The following DTNA variants were observed in gnomAD, a reference collection of about 807,000 sequenced individuals.
DTNA encodes the protein dystrophin-related protein 3.
Under a neutral mutation model 100.7 loss-of-function variants are expected in DTNA, and 43 were observed. The observed-to-expected ratio is 0.43, with a 90% CI of 0.33 to 0.55. The LOEUF (loss-of-function observed/expected upper bound fraction) is 0.55, where lower values mean the gene tolerates loss of function less well. Among genes scored for constraint, DTNA ranks in the 20% least tolerant of loss-of-function variants. The pLI is 0.04. For synonymous variants in DTNA, 349 were observed against 347.9 expected, an observed-to-expected ratio of 1.00 and a Z score of -0.04; for missense variants, 798 against 953.9, an observed-to-expected ratio of 0.84 and a Z score of 2.15.
At chr18:34,661,422 C>T (rs532566600) in intron 1 of DTNA, among the ~76,000 whole-genome samples, 1 of 152,206 alleles carries the variant, frequency 6.6e-6, no homozygotes, top group South Asian at 2.1e-4. Context: ...TTCTCTTTTC[C>T]TGGTGATGAG....
chr18:34,742,671 T>TAGATAG, intron 1 of DTNA, among the ~76,000 whole-genome samples: 1 of 152,032 alleles, frequency 6.6e-6, no homozygotes, highest in East Asian at 1.9e-4. Context: ...ATTATCTATC[T>TAGATAG]ATTCCCATTA....
intron 4 of DTNA, among the ~76,000 whole-genome samples, chr18:34,800,987 C>T (rs1204936828): frequency 6.6e-6 from 1 of 151,582 alleles, no homozygotes; most frequent in East Asian, 1.9e-4. Context: ...AGCAGTTTCT[C>T]ACTTCTTTAT....
intron 7 of DTNA, 38 bp from the exon 8 acceptor site, chr18:34,818,126 T>C (rs1352807306): frequency 6.2e-7 from 1 of 1,613,670 alleles, no homozygotes. Context: ...GTTCATACTT[T>C]TGTTTTCTTG....
chr18:34,714,278 C>G (rs1213843918), intron 1 of DTNA, among the ~76,000 whole-genome samples: 2 of 148,238 alleles, frequency 1.3e-5, no homozygotes, highest in African/African-American at 5.0e-5. Flanking sequence ...AAGAAACTAC[C>G]ATCAGAGTGA....
intron 1 of DTNA, among the ~76,000 whole-genome samples, chr18:34,659,360 A>G (rs2074844546): frequency 6.6e-6 from 1 of 152,156 alleles, no homozygotes; most frequent in South Asian, 2.1e-4. Context: ...TTTGTACTGT[A>G]TGCTTGAAAT....
chr18:34,646,856 C>T (rs2059897569), intron 1 of DTNA, among the ~76,000 whole-genome samples: 2 of 152,056 alleles, frequency 1.3e-5, no homozygotes, highest in South Asian at 4.1e-4. Context: ...ACTGGGATTA[C>T]AGGCATGCGC....
intron 1 of DTNA, among the ~76,000 whole-genome samples, chr18:34,507,791 ATC>A (rs1193473552): frequency 6.6e-6 from 1 of 152,160 alleles, no homozygotes; most frequent in Non-Finnish European, 1.5e-5. Flanking sequence ...TGATCCCACA[ATC>A]TGTCTTATAG....
intron 1 of DTNA, among the ~76,000 whole-genome samples, chr18:34,725,994 A>T (rs2086584972): frequency 6.6e-6 from 1 of 152,184 alleles, no homozygotes; most frequent in African/African-American, 2.4e-5. Flanking sequence ...AACGTAACAG[A>T]AGAAGAGAAA....
chr18:34,499,548 A>T (rs2039665743), intron 1 of DTNA, among the ~76,000 whole-genome samples: 1 of 152,186 alleles, frequency 6.6e-6, no homozygotes, highest in African/African-American at 2.4e-5. Context: ...AAATTACCAA[A>T]CTTTTCCAGA....
At chr18:34,720,099 T>A (rs559785685) in intron 1 of DTNA, among the ~76,000 whole-genome samples, 1 of 152,248 alleles carries the variant, frequency 6.6e-6, no homozygotes, top group South Asian at 2.1e-4. Context: ...GAAAAGGGAA[T>A]CAGGCCAGAG....
chr18:34,775,272 G>T (rs370626661), intron 3 of DTNA, among the ~76,000 whole-genome samples: 1 of 152,276 alleles, frequency 6.6e-6, no homozygotes, highest in African/African-American at 2.4e-5. Context: ...GGATCACAAG[G>T]TCAGGAGATC....
chr18:34,636,959 G>C (rs997041624), intron 1 of DTNA, among the ~76,000 whole-genome samples: 7 of 152,268 alleles, frequency 4.6e-5, no homozygotes, highest in Middle Eastern at 6.8e-3. Context: ...AGGAGACTCT[G>C]TCATTGATTG....
At chr18:34,526,051 A>C (rs1641777702) in intron 1 of DTNA, among the ~76,000 whole-genome samples, 1 of 152,188 alleles carries the variant, frequency 6.6e-6, no homozygotes, top group Admixed American at 6.6e-5. Flanking sequence ...GGTCTTTAGC[A>C]GAATATTTGA....
intron 9 of DTNA, 128 bp downstream of exon 9, chr18:34,821,043 C>A: frequency 1.5e-6 from 2 of 1,346,388 alleles, no homozygotes; most frequent in South Asian, 2.5e-5. Flanking sequence ...AAAAAAAAGT[C>A]AGAGTAATGC....
intron 1 of DTNA, among the ~76,000 whole-genome samples, chr18:34,735,738 T>A (rs1205784143): frequency 3.3e-5 from 5 of 152,202 alleles, no homozygotes; most frequent in Non-Finnish European, 5.9e-5. Flanking sequence ...GTTTGTTACA[T>A]AGGTAAACAT....
chr18:34,882,092 A>C lies in DTNA; in HGVS notation c.2186A>C (p.Tyr729Ser), dbSNP rs756932426. The C allele has an allele frequency of 6.2e-7, 1 of 1,614,104 alleles. No individual in the cohort carries two copies. The highest frequency in any genetic ancestry group is 1.7e-5 in the Admixed American group (1 of 60,008). Reference sequence around the variant, plus strand: ...AGGGTTACGGAGGATGCAGATCCCTATGTGCAGCCTGAAGATGAAAACTAT... The same window carrying C: ...AGGGTTACGGAGGATGCAGATCCCTCTGTGCAGCCTGAAGATGAAAACTAT... ...GDMVTEDADP[Y>S]VQPEDENYEN... The change falls in exon 21 of 23, where the codon TAT becomes TCT. Residue 729 changes from tyrosine to serine, a missense_variant. By Grantham distance (144) the Tyr-to-Ser change is moderately radical. Coordinates refer to ENST00000444659, the MANE Select transcript of DTNA (RefSeq NM_001386795.1).
chr18:34,642,768 A>AG (rs34735702), intron 1 of DTNA, among the ~76,000 whole-genome samples: 5 of 152,208 alleles, frequency 3.3e-5, no homozygotes, highest in South Asian at 2.1e-4. Context: ...CATGTTGGCT[A>AG]GGGGGGTCTC....
intron 1 of DTNA, among the ~76,000 whole-genome samples, chr18:34,552,152 T>C (rs1298160875): frequency 6.6e-6 from 1 of 152,134 alleles, no homozygotes; most frequent in East Asian, 1.9e-4. Context: ...GAAATTAATA[T>C]AACTCATATT....
chr18:34,653,118 C>T (rs1275991884), intron 1 of DTNA, among the ~76,000 whole-genome samples: 2 of 152,064 alleles, frequency 1.3e-5, no homozygotes, highest in African/African-American at 4.8e-5. Flanking sequence ...TTACAGATTA[C>T]ACATCTAAAA....
Sources: gnomAD v4.1 joint callset for allele counts (sites outside exome capture counted in the v4.1 genomes callset) on GRCh38, gnomAD v4.1.1 for gene constraint, MANE v1.5 for transcripts, NCBI Gene and HGNC (gene_info 2026-07-23, HGNC 2026-07-21) for gene names.